PCDH15: variants seen among roughly 807,000 people sequenced by gnomAD.
The protein encoded by PCDH15 is protocadherin-15.
A neutral mutation model predicts 178.5 loss-of-function variants in PCDH15; 129 were observed. That is an observed-to-expected ratio of 0.72 (90% confidence interval 0.63 to 0.84). The LOEUF (loss-of-function observed/expected upper bound fraction) is 0.84. PCDH15 is among the 40% of genes least tolerant of loss of function. The pLI, the probability that PCDH15 is intolerant of heterozygous loss-of-function variation, is 0.00. For missense variants in PCDH15, 2,230 were observed against 2,099.9 expected (o/e 1.06, Z -1.21); for synonymous variants, 800 against 732.0 (o/e 1.09, Z -1.50).
intron 15 of PCDH15, among the ~76,000 whole-genome samples, chr10:54,119,583 A>T (rs936843663): frequency 1.3e-5 from 2 of 152,138 alleles, no homozygotes; most frequent in African/African-American, 2.4e-5. Flanking sequence ...TTGAGGGAAA[A>T]ATTCAAGAAA....
chr10:55,503,879 T>C (rs1030879324), intron 2 of PCDH15, among the ~76,000 whole-genome samples: 2 of 151,420 alleles, frequency 1.3e-5, no homozygotes, highest in Non-Finnish European at 3.0e-5. Context: ...TTTTACTGTA[T>C]GATTCCGCGA....
intron 18 of PCDH15, among the ~76,000 whole-genome samples, chr10:54,059,786 G>A (rs775345671): frequency 2.0e-5 from 3 of 152,196 alleles, no homozygotes; most frequent in African/African-American, 4.8e-5. Flanking sequence ...AGGAAGCATG[G>A]TCATTGGAGA....
At chr10:54,660,144 T>G (rs2094468641) in intron 2 of PCDH15, among the ~76,000 whole-genome samples, 1 of 152,126 alleles carries the variant, frequency 6.6e-6, no homozygotes, top group Non-Finnish European at 1.5e-5. Flanking sequence ...GCAAAAGTTG[T>G]GTCTTTGAAA....
chr10:54,108,971 A>G (rs2094964934), intron 15 of PCDH15, among the ~76,000 whole-genome samples: 1 of 152,126 alleles, frequency 6.6e-6, no homozygotes, highest in South Asian at 2.1e-4. Context: ...ACAAACAAAC[A>G]AATAAACAAA....
chr10:53,972,560 C>T (rs1385211814), intron 21 of PCDH15, among the ~76,000 whole-genome samples: 1 of 152,120 alleles, frequency 6.6e-6, no homozygotes, highest in East Asian at 1.9e-4. Context: ...GGCTAATATC[C>T]AGAATCTACA....
chr10:55,457,418 C>A (rs956475683), intron 2 of PCDH15, among the ~76,000 whole-genome samples: 1 of 151,856 alleles, frequency 6.6e-6, no homozygotes, highest in African/African-American at 2.4e-5. Flanking sequence ...CTTAGTGTGT[C>A]CATGTGTGAT....
chr10:54,358,604 G>A (rs538075193), intron 5 of PCDH15, among the ~76,000 whole-genome samples: 6 of 151,394 alleles, frequency 4.0e-5, no homozygotes, highest in East Asian at 1.9e-4. Context: ...TCAGTGTGGC[G>A]ATTCCTCAGG....
chr10:54,409,674 A>G (rs1953193157), intron 3 of PCDH15, among the ~76,000 whole-genome samples: 1 of 151,944 alleles, frequency 6.6e-6, no homozygotes, highest in Admixed American at 6.6e-5. Context: ...ACTTGCATGT[A>G]CCCCCCAAAT....
At chr10:54,147,769 T>C (rs532760114) in intron 14 of PCDH15, among the ~76,000 whole-genome samples, 48 of 152,146 alleles carry the variant, frequency 3.2e-4, no homozygotes, top group African/African-American at 8.9e-4. Flanking sequence ...TTCTTATAAA[T>C]AGCATTATTA....
chr10:54,461,718 C>T (rs957060106), intron 3 of PCDH15, among the ~76,000 whole-genome samples: 59 of 152,036 alleles, frequency 3.9e-4, no homozygotes, highest in African/African-American at 1.4e-3. Flanking sequence ...TAAAATGAAA[C>T]CAATGATAAA....
At chr10:54,538,995 C>G (rs901983986) in intron 2 of PCDH15, among the ~76,000 whole-genome samples, 7 of 152,156 alleles carry the variant, frequency 4.6e-5, no homozygotes, top group African/African-American at 1.7e-4. Flanking sequence ...AGCATTGAAT[C>G]TCTTGATTGC....
At position 53,940,987 on chromosome 10, in the gene PCDH15, G is replaced by C; in HGVS notation, c.3123-12C>G. The C allele has an allele frequency of 6.6e-7, 1 of 1,524,118 alleles. No homozygotes were observed. 94.4% of individuals were successfully genotyped at this position (1,524,118 alleles called of 1,614,324 possible). On this transcript the variant is annotated splice_polypyrimidine_tract_variant and intron_variant, in intron 23 of 37. Transcript: ENST00000644397. ...TTACTGGAGGAGGTCTGCAGGTTTA[G>C]AGAAGATGATGTATTTATTTTTAAA...
chr10:55,615,840 G>A (rs1370393514), intron 2 of PCDH15, among the ~76,000 whole-genome samples: 3 of 152,206 alleles, frequency 2.0e-5, no homozygotes, highest in Admixed American at 1.3e-4. Context: ...TGAGTCTGTA[G>A]TGAGCTATGA....
chr10:55,542,677 A>T (rs113854194), intron 2 of PCDH15, among the ~76,000 whole-genome samples: 14 of 52,992 alleles, frequency 2.6e-4, no homozygotes, highest in African/African-American at 7.3e-4. Flanking sequence ...AGACATATGT[A>T]TGTGTCTATA....
At chr10:55,228,747 T>C (rs1023515698) in intron 1 of PCDH15, among the ~76,000 whole-genome samples, 9 of 151,990 alleles carry the variant, frequency 5.9e-5, no homozygotes, top group Non-Finnish European at 8.8e-5. Context: ...TTTTAAATTA[T>C]GATAAACAAA....
chr10:54,017,228 T>C (rs1390362881), intron 20 of PCDH15, among the ~76,000 whole-genome samples: 1 of 151,956 alleles, frequency 6.6e-6, no homozygotes, highest in Non-Finnish European at 1.5e-5. Context: ...TTTCATCATG[T>C]TGGCCAGGCT....
rs2076268769 is a variant in PCDH15, at chr10:53,821,514, G to A, written c.4368-1284C>T. ...CTACGATCAAAAACTAAATGTAAAT[G>A]TTACTGCATCCACATGATAGACATG... On this transcript the variant is annotated intron_variant, in intron 32 of 37. Coordinates refer to ENST00000644397, the MANE Select transcript of PCDH15 (RefSeq NM_001384140.1). 4.8e-6 allele frequency: 5 copies of A among 1,038,950 alleles called. No individual in the cohort carries two copies. The South Asian group carries it at 1.1e-4, about 22-fold the overall frequency. 64.4% of individuals were successfully genotyped at this position (1,038,950 alleles called of 1,614,324 possible).
At chr10:53,834,926 C>A (rs928313340) in intron 29 of PCDH15, among the ~76,000 whole-genome samples, 1 of 152,120 alleles carries the variant, frequency 6.6e-6, no homozygotes, top group Non-Finnish European at 1.5e-5. Flanking sequence ...AGTAGAGGGA[C>A]AACTGTCTAT....
At chr10:54,453,822 G>A (rs2076637715) in intron 3 of PCDH15, among the ~76,000 whole-genome samples, 1 of 151,960 alleles carries the variant, frequency 6.6e-6, no homozygotes, top group Non-Finnish European at 1.5e-5. Flanking sequence ...AGAGGCAAGG[G>A]AAGTTCCTTC....
Sources: gnomAD v4.1 joint callset for allele counts (sites outside exome capture counted in the v4.1 genomes callset) on GRCh38, gnomAD v4.1.1 for gene constraint, MANE v1.5 for transcripts, NCBI Gene and HGNC (gene_info 2026-07-23, HGNC 2026-07-21) for gene names.